USP34: variants seen among roughly 807,000 people sequenced by gnomAD.
USP34 encodes the protein ubiquitin carboxyl-terminal hydrolase 34.
Under a neutral mutation model 460.3 loss-of-function variants are expected in USP34, and 70 were observed. The ratio of observed to expected loss-of-function variants is 0.15; its 90% CI spans 0.13 to 0.19. The LOEUF (loss-of-function observed/expected upper bound fraction) is 0.19. Among genes scored for constraint, USP34 ranks in the 10% least tolerant of loss-of-function variants. USP34 has a pLI of 1.00. For synonymous variants in USP34, 1,647 were observed against 1,405.3 expected, an observed-to-expected ratio of 1.17 and a Z score of -3.85; for missense variants, 3,985 against 4,236.2, an observed-to-expected ratio of 0.94 and a Z score of 1.65.
intron 68 of USP34, among the ~76,000 whole-genome samples, chr2:61,212,909 TTAA>T (rs1687308616): frequency 6.6e-6 from 1 of 152,196 alleles, no homozygotes. Context: ...TTACTGAAAC[TTAA>T]TAAATCCTAT....
At chr2:61,232,247 T>C (rs1473575366) in intron 58 of USP34, among the ~76,000 whole-genome samples, 2 of 152,204 alleles carry the variant, frequency 1.3e-5, no homozygotes, top group Non-Finnish European at 2.9e-5. Context: ...GAAATGTGCA[T>C]AATTTTAATC....
intron 2 of USP34, among the ~76,000 whole-genome samples, chr2:61,408,014 C>G (rs1693931337): frequency 6.6e-6 from 1 of 152,142 alleles, no homozygotes; most frequent in African/African-American, 2.4e-5. Context: ...ACTTGGGATG[C>G]TAAGGCAGGA....
intron 67 of USP34, among the ~76,000 whole-genome samples, chr2:61,218,972 G>T (rs762737865): frequency 2.6e-5 from 4 of 152,150 alleles, no homozygotes; most frequent in Non-Finnish European, 4.4e-5. Context: ...AAGTCACTAA[G>T]CTCATACTCA....
chr2:61,360,838 G>T (rs919080182), intron 10 of USP34, among the ~76,000 whole-genome samples: 4 of 152,078 alleles, frequency 2.6e-5, no homozygotes, highest in Non-Finnish European at 4.4e-5. Flanking sequence ...TGTATTTTTG[G>T]TACAGACAGG....
intron 58 of USP34, among the ~76,000 whole-genome samples, chr2:61,231,703 G>C (rs1687911012): frequency 6.6e-6 from 1 of 151,992 alleles, no homozygotes; most frequent in Non-Finnish European, 1.5e-5. Context: ...GACAGAACAA[G>C]ACTCTGTCTA....
At chr2:61,454,320 TAC>T (rs1300057894) in intron 1 of USP34, among the ~76,000 whole-genome samples, 2 of 152,144 alleles carry the variant, frequency 1.3e-5, no homozygotes, top group Non-Finnish European at 2.9e-5. Context: ...GATAGGGTTT[TAC>T]CATGTTGGCC....
At chr2:61,463,783 G>A (rs1271948603) in intron 1 of USP34, among the ~76,000 whole-genome samples, 2 of 150,918 alleles carry the variant, frequency 1.3e-5, no homozygotes, top group Non-Finnish European at 2.9e-5. Context: ...GCAATGAGCC[G>A]AGATCATGCC....
rs372821922 is a variant in USP34, at chr2:61,434,012, C to G, written c.44-13179G>C. Among the ~76,000 whole-genome samples, 4 of 152,194 alleles carry G rather than the reference C, an allele frequency of 2.6e-5. No individual in the cohort carries two copies. In the East Asian group the frequency reaches 5.8e-4, roughly 22 times the overall value. The stretch of plus-strand genomic sequence containing the variant: ...ACTTCAAGCCAAAGGAACAGTCTGA[C>G]AGTCCCATCCAGGACAAACCTGCCC... On this transcript the variant is annotated intron_variant, in intron 1 of 79. Coordinates refer to ENST00000398571, the MANE Select transcript of USP34 (RefSeq NM_014709.4).
chr2:61,235,656 A>T (rs998706473), intron 57 of USP34, among the ~76,000 whole-genome samples, 189 bp downstream of exon 57: 3 of 152,118 alleles, frequency 2.0e-5, no homozygotes, highest in African/African-American at 7.2e-5. Flanking sequence ...TTAATAATCA[A>T]TTATTTAATC....
rs965523503 is a variant in USP34, at chr2:61,248,459, G to A, written c.6394+52C>T. The A allele has an allele frequency of 6.7e-6, 10 of 1,486,244 alleles. No homozygotes were observed. The African/African-American group carries it at 8.4e-5, about 12-fold the overall frequency. 92.1% of individuals were successfully genotyped at this position (1,486,244 alleles called of 1,614,324 possible). Reference sequence around the variant, plus strand: ...ACAACTTTATAATTATGCCTACCTTGTTATGGAGATTGACAATAATCACAG... The same window carrying A: ...ACAACTTTATAATTATGCCTACCTTATTATGGAGATTGACAATAATCACAG... On this transcript the variant is annotated intron_variant, in intron 49 of 79. Transcript: ENST00000398571.
At chr2:61,322,362 GA>G (rs1177052886) in intron 21 of USP34, among the ~76,000 whole-genome samples, 2 of 152,212 alleles carry the variant, frequency 1.3e-5, no homozygotes, top group African/African-American at 4.8e-5. Context: ...GCTAATGAGA[GA>G]AAATCTGTAC....
intron 2 of USP34, among the ~76,000 whole-genome samples, chr2:61,412,020 TCTC>T (rs1207359644): frequency 6.6e-6 from 1 of 151,150 alleles, no homozygotes; most frequent in East Asian, 1.9e-4. Context: ...AGAAACCCCG[TCTC>T]CACTAAAAAT....
chr2:61,276,172 T>C (rs1404433669), intron 41 of USP34, among the ~76,000 whole-genome samples: 1 of 152,226 alleles, frequency 6.6e-6, no homozygotes, highest in Non-Finnish European at 1.5e-5. Flanking sequence ...CTGCAGATGC[T>C]TGAAAAAGGC....
intron 34 of USP34, among the ~76,000 whole-genome samples, chr2:61,287,276 A>T (rs780494807): frequency 6.6e-6 from 1 of 152,184 alleles, no homozygotes; most frequent in Non-Finnish European, 1.5e-5. Flanking sequence ...TTTCTTGGGT[A>T]GACACGAGGT....
intron 10 of USP34, among the ~76,000 whole-genome samples, chr2:61,358,810 C>A (rs959080268): frequency 3.3e-5 from 5 of 152,088 alleles, no homozygotes; most frequent in African/African-American, 1.2e-4. Flanking sequence ...AGCTATATTT[C>A]TATACACTAG....
At chr2:61,409,628 T>C (rs1042557235) in intron 2 of USP34, among the ~76,000 whole-genome samples, 2 of 152,130 alleles carry the variant, frequency 1.3e-5, no homozygotes, top group Admixed American at 6.5e-5. Context: ...ACAGGAGAAT[T>C]GTTTGAACCC....
intron 67 of USP34, among the ~76,000 whole-genome samples, chr2:61,218,915 T>C (rs1405645969): frequency 6.6e-6 from 1 of 152,180 alleles, no homozygotes; most frequent in Non-Finnish European, 1.5e-5. Flanking sequence ...TACTGTAAAG[T>C]TTCTTCACTG....
chr2:61,243,039 T>C lies in USP34; in HGVS notation c.6628-1220A>G, dbSNP rs141124728. The stretch of plus-strand genomic sequence containing the variant: ...TTGCGTGTTTTTAGTAGACATGGGG[T>C]TTCACCATGTTGGCCAGGATGGTCT... On this transcript the variant is annotated intron_variant, in intron 51 of 79. Coordinates refer to ENST00000398571, the MANE Select transcript of USP34 (RefSeq NM_014709.4). Among the ~76,000 whole-genome samples the C allele has an allele frequency of 3.6e-3, 541 of 151,532 alleles. 2 individuals are homozygous for C. The highest frequency in any genetic ancestry group is 0.011 in the African/African-American group (448 of 41,202).
chr2:61,371,770 T>A (rs1263893871), intron 8 of USP34, among the ~76,000 whole-genome samples: 1 of 152,284 alleles, frequency 6.6e-6, no homozygotes. Context: ...TCCTGCAAGC[T>A]CCATTCTTGG....
Sources: allele counts gnomAD v4.1 joint callset (sites outside exome capture counted in the v4.1 genomes callset), GRCh38; gene constraint gnomAD v4.1.1; transcripts MANE v1.5; gene names NCBI Gene and HGNC (gene_info 2026-07-23, HGNC 2026-07-21).